PLCL1: variants seen among roughly 807,000 people sequenced by gnomAD.
PLCL1 encodes the protein inactive phospholipase C-like protein 1.
A neutral mutation model predicts 84.4 loss-of-function variants in PLCL1; 41 were observed. The ratio of observed to expected loss-of-function variants is 0.49; its 90% confidence interval spans 0.38 to 0.63. The LOEUF (loss-of-function observed/expected upper bound fraction) is 0.63, where lower values mean the gene tolerates loss of function less well. Among genes scored for constraint, PLCL1 ranks in the 30% least tolerant of loss-of-function variants. PLCL1 has a pLI of 0.00. For missense variants in PLCL1, 1,206 were observed against 1,367.8 expected (o/e 0.88, Z 1.87); for synonymous variants, 490 against 488.3 (o/e 1.00, Z -0.05).
At position 197,890,718 on chromosome 2, in the gene PLCL1, G is replaced by A. The variant is rs146724092; in HGVS notation, c.240+85379G>A. On this transcript the variant is annotated intron_variant, in intron 1 of 5. Transcript: ENST00000428675. Reference sequence around the variant, plus strand: ...TATATATATACACACACACATATACGTATATATGCATATGTACGTATATAT... The same window carrying A: ...TATATATATACACACACACATATACATATATATGCATATGTACGTATATAT... 4.1e-3 allele frequency among the ~76,000 whole-genome samples: 299 copies of A among 72,364 alleles called. 3 individuals are homozygous for A. Among genetic ancestry groups the A allele is most frequent in the African/African-American group, 0.019 (272 of 14,224 alleles). 47.5% of individuals were successfully genotyped at this position (72,364 alleles called of 152,430 possible).
intron 1 of PLCL1, among the ~76,000 whole-genome samples, chr2:197,866,030 A>AT (rs1402888594): frequency 1.4e-5 from 1 of 71,942 alleles, no homozygotes; most frequent in African/African-American, 9.1e-5. Context: ...AAAAAAAAAA[A>AT]AAAAAAATAT....
chr2:198,042,587 T>C (rs1321164522), intron 1 of PLCL1, among the ~76,000 whole-genome samples: 1 of 152,114 alleles, frequency 6.6e-6, no homozygotes, highest in Admixed American at 6.5e-5. Flanking sequence ...CCAGATAACC[T>C]CAAAGTTTCT....
chr2:198,048,178 G>C (rs6732517), intron 1 of PLCL1, among the ~76,000 whole-genome samples: 94,796 of 151,994 alleles, frequency 0.62, 30,106 homozygotes, highest in Middle Eastern at 0.84. Context: ...TCCCAGTCCT[G>C]TTGGGGTACT....
At chr2:198,080,274 TAA>T (rs781484329) in intron 1 of PLCL1, among the ~76,000 whole-genome samples, 3 of 152,228 alleles carry the variant, frequency 2.0e-5, no homozygotes, top group South Asian at 4.1e-4. Context: ...TGAATTGTGT[TAA>T]GAGAGAATTG....
chr2:197,955,437 A>AG (rs1689466072), intron 1 of PLCL1, among the ~76,000 whole-genome samples: 1 of 151,492 alleles, frequency 6.6e-6, no homozygotes, highest in African/African-American at 2.4e-5. Flanking sequence ...CTTCTAAAAA[A>AG]AAAAAAAGAA....
At chr2:198,103,979 T>C (rs1302926995) in intron 5 of PLCL1, 43 bp downstream of exon 5, 1 of 877,274 alleles carries the variant, frequency 1.1e-6, no homozygotes. Context: ...TTACTTTTCT[T>C]CTCCTCATCT....
chr2:197,932,014 T>C (rs550136393), intron 1 of PLCL1, among the ~76,000 whole-genome samples: 1 of 152,312 alleles, frequency 6.6e-6, no homozygotes, highest in Non-Finnish European at 1.5e-5. Flanking sequence ...GGAAATTCTT[T>C]TGAATGGGTA....
intron 1 of PLCL1, among the ~76,000 whole-genome samples, chr2:198,045,712 A>G (rs1691770781): frequency 6.6e-6 from 1 of 152,204 alleles, no homozygotes; most frequent in African/African-American, 2.4e-5. Context: ...TGCCAGATTC[A>G]TATGTTAATT....
At chr2:197,954,768 C>T (rs952269786) in intron 1 of PLCL1, among the ~76,000 whole-genome samples, 11 of 152,022 alleles carry the variant, frequency 7.2e-5, no homozygotes, top group Non-Finnish European at 1.5e-5. Flanking sequence ...TTCTAACCAT[C>T]TTTGTTCTTT....
intron 1 of PLCL1, among the ~76,000 whole-genome samples, chr2:197,905,912 G>A (rs946626087): frequency 4.0e-5 from 6 of 151,888 alleles, no homozygotes; most frequent in Admixed American, 6.6e-5. Flanking sequence ...CTTTTTGATG[G>A]GGTTGTTTTT....
intron 1 of PLCL1, among the ~76,000 whole-genome samples, chr2:198,059,051 G>A (rs1452234891): frequency 2.6e-5 from 4 of 152,126 alleles, no homozygotes; most frequent in Non-Finnish European, 5.9e-5. Context: ...CTCTAGCTGA[G>A]TTCATATAAT....
chr2:198,086,186 C>T lies in PLCL1; in HGVS notation c.2669C>T (p.Ala890Val), dbSNP rs1229895654. ...LKTIDDIFKIAVHPLREAIDM... is the reference protein window; with the variant it reads ...LKTIDDIFKIVVHPLREAIDM... ...ACCATTGATGACATCTTTAAAATAGCGGTTCATCCATTACGAGAAGCCATA... is the reference window on the plus strand; with the variant it reads ...ACCATTGATGACATCTTTAAAATAGTGGTTCATCCATTACGAGAAGCCATA... Residue 890 changes from alanine to valine, a missense_variant, in exon 2 of 6, where the codon GCG becomes GTG. Ala to Val is a moderately conservative substitution (Grantham distance 64). Coordinates refer to ENST00000428675, the MANE Select transcript of PLCL1 (RefSeq NM_006226.4). 8.1e-6 allele frequency: 13 copies of T among 1,613,366 alleles called. No homozygotes were observed. The Admixed American group carries it at 1.3e-4, about 17-fold the overall frequency.
chr2:198,125,384 C>A (rs1455810339), intron 5 of PLCL1, among the ~76,000 whole-genome samples: 1 of 151,880 alleles, frequency 6.6e-6, no homozygotes, highest in Non-Finnish European at 1.5e-5. Context: ...ATATTTTTTC[C>A]TTTTATTTAA....
At chr2:198,006,921 T>C (rs940997575) in intron 1 of PLCL1, among the ~76,000 whole-genome samples, 5 of 152,168 alleles carry the variant, frequency 3.3e-5, no homozygotes, top group African/African-American at 1.2e-4. Context: ...GTTCTTTAGG[T>C]GAGCGATAGT....
chr2:197,997,524 G>C (rs755088723), intron 1 of PLCL1, among the ~76,000 whole-genome samples: 1 of 152,140 alleles, frequency 6.6e-6, no homozygotes, highest in Non-Finnish European at 1.5e-5. Flanking sequence ...CATCGAGCTG[G>C]TCCCCACAAT....
intron 1 of PLCL1, among the ~76,000 whole-genome samples, chr2:197,904,104 A>C (rs1688328765): frequency 6.6e-6 from 1 of 152,144 alleles, no homozygotes; most frequent in Non-Finnish European, 1.5e-5. Context: ...TACCTGGCCC[A>C]AAAACAATCT....
At chr2:198,008,344 C>T (rs1690781536) in intron 1 of PLCL1, among the ~76,000 whole-genome samples, 1 of 152,010 alleles carries the variant, frequency 6.6e-6, no homozygotes, top group Non-Finnish European at 1.5e-5. Flanking sequence ...AAACTCTCTA[C>T]TCATGAAACA....
At chr2:197,969,940 C>T (rs769483521) in intron 1 of PLCL1, among the ~76,000 whole-genome samples, 30 of 152,114 alleles carry the variant, frequency 2.0e-4, no homozygotes, top group Non-Finnish European at 4.1e-4. Flanking sequence ...ATTCTTTGAG[C>T]CATTGAGATT....
At chr2:198,111,738 T>C (rs1693628111) in intron 5 of PLCL1, among the ~76,000 whole-genome samples, 1 of 151,864 alleles carries the variant, frequency 6.6e-6, no homozygotes, top group Non-Finnish European at 1.5e-5. Context: ...AAGTGAGTGA[T>C]GGAGCAAGGA....
Sources: allele counts gnomAD v4.1 joint callset (sites outside exome capture counted in the v4.1 genomes callset), GRCh38; gene constraint gnomAD v4.1.1; transcripts MANE v1.5; gene names NCBI Gene and HGNC (gene_info 2026-07-23, HGNC 2026-07-21).